The following SLC20A2 variants were observed in gnomAD, a reference collection of about 807,000 sequenced individuals.
SLC20A2 encodes sodium-dependent phosphate transporter 2.
A neutral mutation model predicts 61.0 loss-of-function variants in SLC20A2; 30 were observed. The observed-to-expected ratio is 0.49, with a 90% CI of 0.37 to 0.67. SLC20A2 has a LOEUF of 0.67. Ranked by LOEUF, SLC20A2 falls within the 30% of genes least tolerant of loss-of-function variation. The pLI, the probability that SLC20A2 is intolerant of heterozygous loss-of-function variation, is 0.00. For synonymous variants in SLC20A2, 351 were observed against 353.3 expected (o/e 0.99, Z 0.07); for missense variants, 626 against 866.4 (o/e 0.72, Z 3.48).
At chr8:42,421,632 C>T (rs1015916093) in intron 10 of SLC20A2, among the ~76,000 whole-genome samples, 1 of 152,190 alleles carries the variant, frequency 6.6e-6, no homozygotes, top group South Asian at 2.1e-4. Context: ...TGGAGAAACC[C>T]CGTCTCTACT....
chr8:42,513,558 C>T (rs896897502), intron 1 of SLC20A2, among the ~76,000 whole-genome samples: 1 of 152,194 alleles, frequency 6.6e-6, no homozygotes, highest in African/African-American at 2.4e-5. Flanking sequence ...TTAACCACTC[C>T]TATACCACAT....
At chr8:42,508,412 C>T (rs561812895) in intron 1 of SLC20A2, among the ~76,000 whole-genome samples, 10 of 152,172 alleles carry the variant, frequency 6.6e-5, no homozygotes, top group African/African-American at 1.2e-4. Flanking sequence ...TGTTTTGAGA[C>T]GGAGTCTCGC....
At chr8:42,537,370 CAAAAAAAA>C (rs34392956) in intron 1 of SLC20A2, among the ~76,000 whole-genome samples, 6 of 86,184 alleles carry the variant, frequency 7.0e-5, no homozygotes, top group African/African-American at 1.8e-4. Context: ...GACCCTGTCT[CAAAAAAAA>C]AAAAAAAAAA....
chr8:42,434,520 G>A (rs1195530387), intron 8 of SLC20A2, among the ~76,000 whole-genome samples: 2 of 152,110 alleles, frequency 1.3e-5, no homozygotes, highest in Non-Finnish European at 2.9e-5. Context: ...GTATCACTGA[G>A]TCACTGAAAC....
chr8:42,452,080 T>G (rs1402980041), intron 5 of SLC20A2, among the ~76,000 whole-genome samples: 18 of 76,858 alleles, frequency 2.3e-4, no homozygotes, highest in African/African-American at 2.7e-4. Flanking sequence ...GAGGAAGAGA[T>G]GAAGAGGAGG....
intron 1 of SLC20A2, chr8:42,484,886 C>A: frequency 2.5e-6 from 1 of 402,822 alleles, no homozygotes; most frequent in East Asian, 7.8e-5. Flanking sequence ...CTGAGCATCT[C>A]GGCCATGCAG....
intron 1 of SLC20A2, among the ~76,000 whole-genome samples, chr8:42,522,881 A>T (rs1200285543): frequency 0.019 from 1,051 of 54,934 alleles, 18 homozygotes; most frequent in African/African-American, 0.038. Context: ...ATAATAATAA[A>T]AAAAAAAAAT....
chr8:42,439,935 A>G (rs1021724811), intron 6 of SLC20A2, among the ~76,000 whole-genome samples: 1 of 151,966 alleles, frequency 6.6e-6, no homozygotes, highest in Non-Finnish European at 1.5e-5. Context: ...AAATATAAAA[A>G]TTAGCCGGGT....
rs756119373 is a variant in SLC20A2 at position 42,437,623 on chromosome 8, T to C, written c.935-46A>G. ...TCTCATTTTCCAGTCTTTTTTTTTTTTTTCTTTTCTTTTTGAGACGGAGCC... is the reference window on the plus strand; with the variant it reads ...TCTCATTTTCCAGTCTTTTTTTTTTCTTTCTTTTCTTTTTGAGACGGAGCC... On this transcript the variant is annotated intron_variant, in intron 7 of 10. Coordinates refer to ENST00000520262, the MANE Select transcript of SLC20A2 (RefSeq NM_001257180.2). The surrounding 1 kb of genome is among the most constrained non-coding windows in gnomAD (Gnocchi z 6.4). The C allele has an allele frequency of 1.5e-5, 22 of 1,459,050 alleles. No homozygotes were observed. Among genetic ancestry groups the C allele is most frequent in the African/African-American group, 2.9e-5 (2 of 70,112 alleles). 90.4% of individuals were successfully genotyped at this position (1,459,050 alleles called of 1,614,324 possible).
Position 42,525,563 on chromosome 8 carries a change from CA to C in SLC20A2, c.-265+16257del, listed in dbSNP as rs1811874694. Among the ~76,000 whole-genome samples the C allele has an allele frequency of 5.7e-5, 6 of 104,898 alleles. No homozygotes were observed. In the Admixed American group the frequency reaches 9.1e-4, roughly 16 times the overall value. The allele number at this position is 104,898 out of a possible 152,430, so 68.8% of individuals were successfully genotyped here. On this transcript the variant is annotated intron_variant, in intron 1 of 10. Transcript: ENST00000342228. ...CACCACTGCACTCCAGCCTGGGCAA[CA>C]GAGCAAGACTCTGTCTCAAAAAAAA...
intron 3 of SLC20A2, among the ~76,000 whole-genome samples, chr8:42,464,090 A>ATTTTTTTTTTTT (rs1563488008): frequency 5.0e-4 from 10 of 19,992 alleles, no homozygotes; most frequent in South Asian, 2.8e-3. Context: ...AGGCTGGATG[A>ATTTTTTTTTTTT]TCTTTTTTTT....
chr8:42,467,433 T>G (rs1319396363), intron 2 of SLC20A2, among the ~76,000 whole-genome samples: 1 of 152,204 alleles, frequency 6.6e-6, no homozygotes, highest in Non-Finnish European at 1.5e-5. Context: ...GTTGAAAAGC[T>G]CCCATGGAAC....
rs183971962 is a variant in SLC20A2 at position 42,537,161 on chromosome 8, G to T, written c.-265+4660C>A. Among the ~76,000 whole-genome samples the T allele has an allele frequency of 1.0e-3, 158 of 151,588 alleles. No homozygotes were observed. In the Middle Eastern group the frequency reaches 0.017, roughly 16 times the overall value. On this transcript the variant is annotated intron_variant, in intron 1 of 10. Transcript: ENST00000342228. ...TTTGGGAGGCTGAGGCAGGAGGAGG[G>T]TTGTTTGAGCCCAGGAGTTCAAGAC...
At chr8:42,451,117 C>T (rs1317249133) in intron 5 of SLC20A2, among the ~76,000 whole-genome samples, 1 of 151,630 alleles carries the variant, frequency 6.6e-6, no homozygotes, top group Non-Finnish European at 1.5e-5. Flanking sequence ...GAAACTGGAT[C>T]AGAAGCAGCT....
intron 2 of SLC20A2, among the ~76,000 whole-genome samples, chr8:42,467,707 C>T (rs780454502): frequency 3.9e-5 from 6 of 152,138 alleles, no homozygotes; most frequent in African/African-American, 9.7e-5. Flanking sequence ...ATCCTTAAGG[C>T]GTGCGTTGGG....
chr8:42,500,783 TAC>T (rs930750404), intron 1 of SLC20A2, among the ~76,000 whole-genome samples: 4 of 152,194 alleles, frequency 2.6e-5, no homozygotes, highest in Admixed American at 1.3e-4. Context: ...AATAATAATC[TAC>T]AGATTGCTTT....
Position 42,455,241 on chromosome 8 carries a change from A to ATATAT in SLC20A2, c.613+4654_613+4655insATATA, listed in dbSNP as rs1554555112. 4.0e-3 allele frequency among the ~76,000 whole-genome samples: 411 copies of ATATAT among 102,470 alleles called. 4 individuals carry two copies. The highest frequency in any genetic ancestry group is 0.018 in the African/African-American group (364 of 19,992). 67.2% of individuals were successfully genotyped at this position (102,470 alleles called of 152,430 possible). On this transcript the variant is annotated intron_variant, in intron 5 of 10. Coordinates refer to ENST00000520262, the MANE Select transcript of SLC20A2 (RefSeq NM_001257180.2). ...CTCCGTCTAAAAAAAAAAAAAAAAA[A>ATATAT]ATATATATATATATATAGAGAGAGA...
intron 5 of SLC20A2, among the ~76,000 whole-genome samples, chr8:42,455,442 T>C (rs1343127189): frequency 2.0e-5 from 3 of 151,508 alleles, no homozygotes; most frequent in East Asian, 1.9e-4. Flanking sequence ...GGGCAGATCA[T>C]GAGGTCAGGA....
intron 1 of SLC20A2, among the ~76,000 whole-genome samples, chr8:42,533,137 T>C (rs770602087): frequency 8.5e-5 from 13 of 152,202 alleles, no homozygotes; most frequent in Admixed American, 2.6e-4. Flanking sequence ...ATTAAAAATA[T>C]GTTCCTTTGT....
Sources: allele counts gnomAD v4.1 joint callset (sites outside exome capture counted in the v4.1 genomes callset), GRCh38; gene constraint gnomAD v4.1.1; non-coding constraint Gnocchi (gnomAD v3.1); transcripts MANE v1.5; gene names NCBI Gene and HGNC (gene_info 2026-07-23, HGNC 2026-07-21).